LPCAT2: variants seen among roughly 807,000 people sequenced by gnomAD.
LPCAT2 encodes lysophosphatidylcholine acyltransferase 2.
A neutral mutation model predicts 64.7 loss-of-function variants in LPCAT2; 58 were observed. The observed-to-expected ratio is 0.90, with a 90% CI of 0.73 to 1.12. LPCAT2 has a LOEUF of 1.12. LPCAT2 is among the 50% of genes most tolerant of loss of function. LPCAT2 has a pLI of 0.00. For missense variants in LPCAT2, 579 were observed against 669.8 expected (o/e 0.86, Z 1.50); for synonymous variants, 252 against 245.3 (o/e 1.03, Z -0.26).
chr16:55,550,097 AT>A (rs1963499032), intron 10 of LPCAT2, among the ~76,000 whole-genome samples: 1 of 152,210 alleles, frequency 6.6e-6, no homozygotes, highest in Admixed American at 6.5e-5. Context: ...AAAGTATAAT[AT>A]TTTGATAACT....
intron 2 of LPCAT2, chr16:55,525,896 T>A: frequency 4.1e-6 from 1 of 246,186 alleles, no homozygotes; most frequent in Non-Finnish European, 7.6e-6. Flanking sequence ...TATGATAATC[T>A]TCTAAAAGTT....
chr16:55,574,552 C>A, intron 11 of LPCAT2, 79 bp from the exon 12 acceptor site: 1 of 976,860 alleles, frequency 1.0e-6, no homozygotes, highest in Non-Finnish European at 1.7e-6. Context: ...ATAAGACATA[C>A]CTGAATTTTA....
In LPCAT2 at chr16:55,537,603, T is replaced by C; in HGVS notation, c.823T>C (p.Cys275Arg). The C allele has an allele frequency of 6.2e-7, 1 of 1,613,432 alleles. No homozygotes were observed. Among genetic ancestry groups the C allele is most frequent in the Non-Finnish European group, 8.5e-7 (1 of 1,179,592 alleles). The change falls in exon 8 of 14, where the codon TGC (cysteine) becomes CGC (arginine). Residue 275 changes from cysteine to arginine, a missense_variant. Coordinates refer to ENST00000262134, the MANE Select transcript of LPCAT2 (RefSeq NM_017839.5). Reference sequence around the variant, plus strand: ...CATTCAGCTTTGTATGCTTACTTTCTGCCAGCTCTTCACAAAGGTAGAAGT... The same window carrying C: ...CATTCAGCTTTGTATGCTTACTTTCCGCCAGCTCTTCACAAAGGTAGAAGT... Reference protein sequence around the residue: ...TFIQLCMLTFCQLFTKVEVEF... With the variant: ...TFIQLCMLTFRQLFTKVEVEF...
chr16:55,570,308 C>T (rs1310847339), intron 11 of LPCAT2, among the ~76,000 whole-genome samples: 3 of 152,122 alleles, frequency 2.0e-5, no homozygotes, highest in African/African-American at 2.4e-5. Context: ...GTTGGTTTAT[C>T]TAGCTACCCC....
rs761876050 is a variant in LPCAT2, at chr16:55,534,440, T to C, written c.763-3T>C. ...AACAGCTAAAATAATTTTGTTATTA[T>C]AGGATACTGTGACCTGGACATGGCA... On this transcript the variant is annotated splice_polypyrimidine_tract_variant and splice_region_variant and intron_variant, in intron 6 of 13. Coordinates refer to ENST00000262134, the MANE Select transcript of LPCAT2 (RefSeq NM_017839.5). 5 of 1,527,458 alleles carry C rather than the reference T, an allele frequency of 3.3e-6. No individual in the cohort carries two copies. The South Asian group carries it at 6.0e-5, about 18-fold the overall frequency. 94.6% of individuals were successfully genotyped at this position (1,527,458 alleles called of 1,614,324 possible).
chr16:55,583,244 G>T lies in LPCAT2; in HGVS notation c.*146G>T. On this transcript the variant is annotated 3_prime_UTR_variant, in exon 14 of 14. Transcript: ENST00000262134. Reference sequence around the variant, plus strand: ...AATGATAGATTTTCTTACTAAAAATGTTTTTATTAACCTTGCTTTTATTGG... The same window carrying T: ...AATGATAGATTTTCTTACTAAAAATTTTTTTATTAACCTTGCTTTTATTGG... 2.9e-6 allele frequency: 2 copies of T among 682,878 alleles called. No individual in the cohort carries two copies. The highest frequency in any genetic ancestry group is 3.1e-5 in the South Asian group (1 of 32,110). 42.3% of individuals were successfully genotyped at this position (682,878 alleles called of 1,614,324 possible). A position where few individuals can be genotyped will look rare whatever the true frequency, so the allele number is the denominator to read the frequency against.
chr16:55,530,127 A>G (rs1219268960), intron 4 of LPCAT2, among the ~76,000 whole-genome samples, 180 bp downstream of exon 4: 2 of 152,098 alleles, frequency 1.3e-5, no homozygotes, highest in East Asian at 1.9e-4. Context: ...TCCCCATGAG[A>G]TACTCTATGG....
chr16:55,558,506 T>A (rs1963601501), intron 11 of LPCAT2, among the ~76,000 whole-genome samples: 1 of 152,180 alleles, frequency 6.6e-6, no homozygotes, highest in Non-Finnish European at 1.5e-5. Context: ...GCCTCTTACC[T>A]CCTACCACAA....
At chr16:55,576,241 C>T (rs1205729966) in intron 12 of LPCAT2, among the ~76,000 whole-genome samples, 13 of 151,160 alleles carry the variant, frequency 8.6e-5, no homozygotes, top group African/African-American at 2.9e-4. Context: ...ATTTTTTAAC[C>T]CTCCTTTTTA....
chr16:55,565,698 G>T (rs1963687607), intron 11 of LPCAT2, among the ~76,000 whole-genome samples: 1 of 152,062 alleles, frequency 6.6e-6, no homozygotes, highest in African/African-American at 2.4e-5. Context: ...AGGGGTGGGG[G>T]AAGGGGAGAA....
intron 1 of LPCAT2, among the ~76,000 whole-genome samples, chr16:55,519,463 C>G (rs1232026517): frequency 6.6e-6 from 1 of 150,852 alleles, no homozygotes; most frequent in Non-Finnish European, 1.5e-5. Flanking sequence ...GAGCTGAGAT[C>G]CCGTCACTGC....
chr16:55,524,821 A>G (rs1963145863), intron 1 of LPCAT2, among the ~76,000 whole-genome samples: 2 of 152,032 alleles, frequency 1.3e-5, no homozygotes, highest in South Asian at 4.1e-4. Context: ...ATCTTAAGCA[A>G]TTTAACTCCC....
intron 1 of LPCAT2, among the ~76,000 whole-genome samples, chr16:55,518,849 C>G (rs1157045304): frequency 6.6e-6 from 1 of 152,028 alleles, no homozygotes; most frequent in East Asian, 1.9e-4. Context: ...AAGTGTAGAT[C>G]TTCATGACCT....
chr16:55,529,161 G>C (rs1235081719), intron 3 of LPCAT2, among the ~76,000 whole-genome samples: 1 of 152,138 alleles, frequency 6.6e-6, no homozygotes, highest in Non-Finnish European at 1.5e-5. Context: ...TCTCCCTCAA[G>C]AATTGTCTCC....
intron 6 of LPCAT2, among the ~76,000 whole-genome samples, chr16:55,533,625 C>G (rs1963285504): frequency 6.6e-6 from 1 of 151,910 alleles, no homozygotes; most frequent in South Asian, 2.1e-4. Context: ...GTTGACCAGG[C>G]TGGTCTTGAA....
At chr16:55,577,302 A>T (rs777197245) in intron 12 of LPCAT2, among the ~76,000 whole-genome samples, 5 of 134,414 alleles carry the variant, frequency 3.7e-5, no homozygotes, top group African/African-American at 1.2e-4. Flanking sequence ...TTTGCTTATT[A>T]TTTTTTTCAT....
At chr16:55,582,891 G>T in intron 13 of LPCAT2, 23 bp from the exon 14 acceptor site, 1 of 1,528,368 alleles carries the variant, frequency 6.5e-7, no homozygotes, top group African/African-American at 1.4e-5. Context: ...CAACTTATTG[G>T]ATTTTTTTTC....
intron 13 of LPCAT2, among the ~76,000 whole-genome samples, chr16:55,581,447 A>G (rs192284870): frequency 1.3e-5 from 2 of 152,272 alleles, no homozygotes; most frequent in East Asian, 1.9e-4. Context: ...TTTGAGTTCA[A>G]TCTGGTGACT....
Position 55,537,617 on chromosome 16 carries a change from A to G in LPCAT2, c.837A>G (p.Thr279=). 6.2e-7 allele frequency: 1 copy of G among 1,613,474 alleles called. No individual in the cohort carries two copies. The highest frequency in any genetic ancestry group is 8.5e-7 in the Non-Finnish European group (1 of 1,179,636). The part of the protein sequence containing the change: ...LCMLTFCQLF[T]KVEVEFMPVQ... ...TGCTTACTTTCTGCCAGCTCTTCAC[A>G]AAGGTAGAAGTTGAGGTAAGTCATT... The change falls in exon 8 of 14, where the codon ACA becomes ACG. Residue 279 remains threonine (T), a synonymous_variant. Transcript: ENST00000262134.
Sources: allele counts gnomAD v4.1 joint callset (sites outside exome capture counted in the v4.1 genomes callset), GRCh38; gene constraint gnomAD v4.1.1; transcripts MANE v1.5; gene names NCBI Gene and HGNC (gene_info 2026-07-23, HGNC 2026-07-21).